ECRG4: variants seen among roughly 807,000 people sequenced by gnomAD.
ECRG4 encodes augurin.
A neutral mutation model predicts 15.8 loss-of-function variants in ECRG4; 18 were observed. The observed-to-expected ratio is 1.14, with a 90% CI of 0.79 to 1.69. The LOEUF (loss-of-function observed/expected upper bound fraction) is 1.69. Among genes scored for constraint, ECRG4 ranks in the 40% most tolerant of loss-of-function variants. The pLI, the probability that ECRG4 is intolerant of heterozygous loss-of-function variation, is 0.00. For missense variants in ECRG4, 200 were observed against 190.9 expected (o/e 1.05, Z -0.28); for synonymous variants, 82 against 73.9 (o/e 1.11, Z -0.56).
At chr2:106,071,007 T>C (rs1479729267) in intron 1 of ECRG4, 1 of 471,244 alleles carries the variant, frequency 2.1e-6, no homozygotes, top group South Asian at 1.5e-5. Flanking sequence ...CCAGACAAGG[T>C]ATTTTCTATT....
At chr2:106,072,221 C>T in intron 2 of ECRG4, 1 of 210,142 alleles carries the variant, frequency 4.8e-6, no homozygotes, top group Non-Finnish European at 9.5e-6. Context: ...AACACATAAT[C>T]CTCAGTTGGT....
chr2:106,073,493 A>T (rs1266043062), intron 2 of ECRG4, among the ~76,000 whole-genome samples: 1 of 152,158 alleles, frequency 6.6e-6, no homozygotes, highest in Non-Finnish European at 1.5e-5. Flanking sequence ...TGCAATGGAC[A>T]TGCCCGTATA....
chr2:106,069,998 G>A (rs1676328253), intron 1 of ECRG4, among the ~76,000 whole-genome samples: 2 of 152,246 alleles, frequency 1.3e-5, no homozygotes, highest in East Asian at 1.9e-4. Flanking sequence ...ATCTTAGCTG[G>A]CCACCCAGCA....
chr2:106,065,809 G>A lies in ECRG4; in HGVS notation c.45G>A (p.Gly15=). 1 of 1,485,330 alleles carries A rather than the reference G, an allele frequency of 6.7e-7. No homozygotes were observed. The highest frequency in any genetic ancestry group is 8.9e-7 in the Non-Finnish European group (1 of 1,124,520). The allele number at this position is 1,485,330 out of a possible 1,614,324, so 92.0% of individuals were successfully genotyped here. A position where few individuals can be genotyped will look rare whatever the true frequency, so the allele number is the denominator to read the frequency against. The change falls in exon 1 of 4, where the codon GGG becomes GGA. Residue 15 remains glycine, a synonymous_variant. Transcript: ENST00000238044. ...PARPAVLALT[G]LALLLLLCWG... is the part of the protein sequence containing the mutation. ...GGCCTGCTGTCCTGGCCCTGACCGG[G>A]CTGGCGCTGCTCCTGCTCCTGTGCT...
rs534593062 is a variant in ECRG4 at position 106,075,356 on chromosome 2, G to A, written c.285+1313G>A. Among the ~76,000 whole-genome samples, 179 of 152,372 alleles carry A rather than the reference G, an allele frequency of 1.2e-3. 1 individual carries two copies. Among genetic ancestry groups the A allele is most frequent in the Middle Eastern group, 0.01 (3 of 294 alleles). On this transcript the variant is annotated intron_variant, in intron 3 of 3. Transcript: ENST00000238044. Reference sequence around the variant, plus strand: ...AAAGTATATGTTTGCTTACTTGATAGATGAAAATGCTATATCCTCCTTCAG... The same window carrying A: ...AAAGTATATGTTTGCTTACTTGATAAATGAAAATGCTATATCCTCCTTCAG...
At chr2:106,069,359 A>T (rs1676310867) in intron 1 of ECRG4, among the ~76,000 whole-genome samples, 1 of 121,158 alleles carries the variant, frequency 8.3e-6, no homozygotes, top group African/African-American at 3.3e-5. Context: ...TCTGAGATAG[A>T]GTCTCACTCT....
At chr2:106,070,984 G>C in intron 1 of ECRG4, 1 of 471,324 alleles carries the variant, frequency 2.1e-6, no homozygotes, top group Non-Finnish European at 4.4e-6. Context: ...GTGGAGGCGT[G>C]TGTTCTATCA....
chr2:106,075,513 G>A (rs1388949547), intron 3 of ECRG4, among the ~76,000 whole-genome samples: 1 of 152,220 alleles, frequency 6.6e-6, no homozygotes, highest in Non-Finnish European at 1.5e-5. Flanking sequence ...CCTGAGGTCA[G>A]GAGTTCAAGA....
chr2:106,071,573 A>T (rs1205938838), intron 1 of ECRG4, among the ~76,000 whole-genome samples: 1 of 152,178 alleles, frequency 6.6e-6, no homozygotes, highest in Non-Finnish European at 1.5e-5. Context: ...GTAGTAAGAC[A>T]CAGGGCTAAA....
chr2:106,078,044 TTTGTGTGATC>T lies in ECRG4; in HGVS notation c.*119_*128del. 1 of 941,124 alleles carries T rather than the reference TTTGTGTGATC, an allele frequency of 1.1e-6. No homozygotes were observed. The highest frequency in any genetic ancestry group is 1.5e-6 in the Non-Finnish European group (1 of 672,652). The allele number at this position is 941,124 out of a possible 1,614,324, so 58.3% of individuals were successfully genotyped here. A position where few individuals can be genotyped will look rare whatever the true frequency, so the allele number is the denominator to read the frequency against. On this transcript the variant is annotated 3_prime_UTR_variant, in exon 4 of 4. Coordinates refer to ENST00000238044, the MANE Select transcript of ECRG4 (RefSeq NM_032411.3). ...ATTTCAGCAGATCTTTTCTACCTAC[TTTGTGTGATC>T]AAAAAAGAAGAGTTAAAACAACACA... is the stretch of plus-strand genomic sequence containing the variant.
chr2:106,066,878 G>A (rs1427881897), intron 1 of ECRG4, among the ~76,000 whole-genome samples: 1 of 152,160 alleles, frequency 6.6e-6, no homozygotes, highest in Non-Finnish European at 1.5e-5. Flanking sequence ...AGCAGGAGGC[G>A]TGGTGAGGTC....
upstream of ECRG4, among the ~76,000 whole-genome samples, chr2:106,063,767 A>C (rs2104786147): frequency 6.6e-6 from 1 of 152,254 alleles, no homozygotes; most frequent in Non-Finnish European, 1.5e-5. Flanking sequence ...ATTTTTGTAG[A>C]GAGGGAGTTT....
chr2:106,073,181 T>C (rs1676408203), intron 2 of ECRG4, among the ~76,000 whole-genome samples: 3 of 152,210 alleles, frequency 2.0e-5, no homozygotes, highest in South Asian at 2.1e-4. Flanking sequence ...AAACGCCTAA[T>C]GGCACAGTGG....
rs1341627980 is a variant in ECRG4 at position 106,070,671 on chromosome 2, G to A, written c.80-1173G>A. 1.9e-5 allele frequency: 4 copies of A among 206,762 alleles called. No individual in the cohort carries two copies. The Admixed American group carries it at 2.1e-4, about 11-fold the overall frequency. 12.8% of individuals were successfully genotyped at this position (206,762 alleles called of 1,614,324 possible). ...TGATGTATAATTCACAAACAAAGCAGGCATTCTTAATTTTATTTGGGTCAC... is the reference window on the plus strand; with the variant it reads ...TGATGTATAATTCACAAACAAAGCAAGCATTCTTAATTTTATTTGGGTCAC... On this transcript the variant is annotated intron_variant, in intron 1 of 3. Coordinates refer to ENST00000238044, the MANE Select transcript of ECRG4 (RefSeq NM_032411.3).
intron 3 of ECRG4, among the ~76,000 whole-genome samples, chr2:106,074,839 C>T (rs1171536669): frequency 6.6e-6 from 1 of 152,104 alleles, no homozygotes; most frequent in African/African-American, 2.4e-5. Flanking sequence ...TCAAAATGGG[C>T]ACATGATTCA....
At chr2:106,067,965 G>C (rs547169635) in intron 1 of ECRG4, among the ~76,000 whole-genome samples, 1 of 151,252 alleles carries the variant, frequency 6.6e-6, no homozygotes, top group Non-Finnish European at 1.5e-5. Flanking sequence ...CTCCCGAGTA[G>C]CTGGGACTAC....
At chr2:106,063,476 T>A (rs1676143834), upstream of ECRG4, 1 of 152,232 alleles carries the variant, frequency 6.6e-6, no homozygotes, top group Non-Finnish European at 1.5e-5. Context: ...GCATAAGAAC[T>A]GACATAGTGT....
intron 3 of ECRG4, among the ~76,000 whole-genome samples, chr2:106,077,273 C>G (rs1029851281): frequency 5.9e-5 from 9 of 152,164 alleles, no homozygotes; most frequent in African/African-American, 1.9e-4. Flanking sequence ...CAAATGTACC[C>G]CCAGTTCTCT....
chr2:106,068,685 C>T (rs1573358855), intron 1 of ECRG4, among the ~76,000 whole-genome samples: 1 of 152,188 alleles, frequency 6.6e-6, no homozygotes, highest in South Asian at 2.1e-4. Flanking sequence ...ATGGAGGGGC[C>T]ATACTTAATT....
Sources: allele counts gnomAD v4.1 joint callset (sites outside exome capture counted in the v4.1 genomes callset), GRCh38; gene constraint gnomAD v4.1.1; transcripts MANE v1.5; gene names NCBI Gene and HGNC (gene_info 2026-07-23, HGNC 2026-07-21).